Variants in VTI1A observed in about 807,000 individuals in gnomAD.
VTI1A encodes vesicle transport through interaction with t-SNAREs 1A.
A neutral mutation model predicts 34.9 loss-of-function variants in VTI1A; 22 were observed. The observed-to-expected ratio is 0.63, with a 90% confidence interval of 0.45 to 0.90. VTI1A has a LOEUF of 0.90. Among genes scored for constraint, VTI1A ranks in the 40% least tolerant of loss-of-function variants. VTI1A has a pLI of 0.00. For missense variants in VTI1A, 268 were observed against 275.6 expected (o/e 0.97, Z 0.20); for synonymous variants, 87 against 97.3 (o/e 0.89, Z 0.62).
intron 7 of VTI1A, among the ~76,000 whole-genome samples, chr10:112,694,539 G>T (rs1274950848): frequency 6.6e-6 from 1 of 152,050 alleles, no homozygotes; most frequent in Non-Finnish European, 1.5e-5. Flanking sequence ...TCTAATGTCT[G>T]GAAGCATGCC....
chr10:112,578,291 A>C (rs894520728), intron 5 of VTI1A, among the ~76,000 whole-genome samples: 4 of 152,314 alleles, frequency 2.6e-5, no homozygotes, highest in African/African-American at 9.6e-5. Flanking sequence ...CAACAGACGC[A>C]GCAATTTGGC....
chr10:112,783,045 CT>C (rs1457835222), intron 7 of VTI1A, among the ~76,000 whole-genome samples: 1 of 151,436 alleles, frequency 6.6e-6, no homozygotes, highest in Non-Finnish European at 1.5e-5. Context: ...CTGGATATCC[CT>C]GGGACCCAGA....
At chr10:112,754,922 T>C (rs150425088) in intron 7 of VTI1A, among the ~76,000 whole-genome samples, 192 of 152,270 alleles carry the variant, frequency 1.3e-3, no homozygotes, top group African/African-American at 4.5e-3. Context: ...ATAAGATGAT[T>C]TGGGGACTGG....
chr10:112,791,491 T>C (rs1226129181), intron 7 of VTI1A, among the ~76,000 whole-genome samples: 1 of 152,200 alleles, frequency 6.6e-6, no homozygotes, highest in East Asian at 1.9e-4. Flanking sequence ...GTTGTAAATA[T>C]GTGCTGCAGG....
the VTI1A span, among the ~76,000 whole-genome samples, chr10:112,830,821 TCA>T: frequency 3.3e-4 from 20 of 60,280 alleles, no homozygotes; most frequent in African/African-American, 1.3e-3. Flanking sequence ...CCTAAAACCC[TCA>T]TATATATATA....
the VTI1A span, among the ~76,000 whole-genome samples, chr10:112,845,125 T>C: frequency 2.0e-5 from 3 of 152,340 alleles, no homozygotes; most frequent in African/African-American, 7.2e-5. Flanking sequence ...GCAGAGTTGG[T>C]GTGAGGCCTG....
rs560747484 is a variant in VTI1A at position 112,540,316 on chromosome 10, C to T, written c.427+1986C>T. ...ATCAACATAACCAACATGGAAATGT[C>T]AACTTAAGAGTGTCCTGTCAGCCTA... On this transcript the variant is annotated intron_variant, in intron 5 of 7. Coordinates refer to ENST00000393077, the MANE Select transcript of VTI1A (RefSeq NM_145206.4). 2.0e-5 allele frequency among the ~76,000 whole-genome samples: 3 copies of T among 152,300 alleles called. No individual in the cohort carries two copies. The East Asian group carries it at 5.8e-4, about 29-fold the overall frequency.
At chr10:112,804,885 G>T (rs1853017209) in intron 7 of VTI1A, among the ~76,000 whole-genome samples, 2 of 121,264 alleles carry the variant, frequency 1.6e-5, no homozygotes, top group South Asian at 2.8e-4. Flanking sequence ...TTTTGAGACA[G>T]AGTCCTGCTC....
At chr10:112,809,584 G>C (rs932803353) in intron 7 of VTI1A, among the ~76,000 whole-genome samples, 20 of 152,172 alleles carry the variant, frequency 1.3e-4, no homozygotes, top group African/African-American at 4.8e-4. Context: ...AAAAAGTTGG[G>C]ACTCCGCTGG....
intron 5 of VTI1A, among the ~76,000 whole-genome samples, chr10:112,546,920 T>C (rs1295889108): frequency 2.0e-5 from 3 of 152,304 alleles, no homozygotes; most frequent in East Asian, 3.9e-4. Flanking sequence ...GCTATCTCTT[T>C]TTAAAAAATA....
intron 7 of VTI1A, among the ~76,000 whole-genome samples, chr10:112,734,417 A>G (rs543474515): frequency 1.3e-5 from 2 of 152,188 alleles, no homozygotes; most frequent in East Asian, 1.9e-4. Context: ...TTCCTCCTCT[A>G]TAATCCTGCG....
At position 112,500,338 on chromosome 10, in the gene VTI1A, G is replaced by A. The variant is rs368282054; in HGVS notation, c.265-26749G>A. On this transcript the variant is annotated intron_variant, in intron 3 of 7. Coordinates refer to ENST00000393077, the MANE Select transcript of VTI1A (RefSeq NM_145206.4). ...AAGTCACAGCAAGTCGGGAGGCTGA[G>A]GCAGGAGAATTGCTTGAACCCAGGA... is the stretch of plus-strand genomic sequence containing the variant. Among the ~76,000 whole-genome samples, 101 of 152,104 alleles carry A rather than the reference G, an allele frequency of 6.6e-4. 1 individual carries two copies. The South Asian group carries it at 0.017, about 25-fold the overall frequency.
At chr10:112,588,742 G>A (rs1403670743) in intron 5 of VTI1A, among the ~76,000 whole-genome samples, 1 of 152,174 alleles carries the variant, frequency 6.6e-6, no homozygotes. Context: ...GGCCATCATT[G>A]TGTGGGACTT....
chr10:112,536,271 T>C (rs1233438267), intron 4 of VTI1A, among the ~76,000 whole-genome samples: 1 of 152,218 alleles, frequency 6.6e-6, no homozygotes, highest in Non-Finnish European at 1.5e-5. Context: ...AGATTTACTT[T>C]TGATTTCACA....
chr10:112,642,135 A>G (rs759699050), intron 5 of VTI1A, among the ~76,000 whole-genome samples: 12 of 152,224 alleles, frequency 7.9e-5, no homozygotes, highest in Non-Finnish European at 1.5e-4. Flanking sequence ...AACTTCAAAT[A>G]TTCCAGAATG....
chr10:112,464,130 C>T (rs527852458), intron 2 of VTI1A, among the ~76,000 whole-genome samples: 3 of 152,172 alleles, frequency 2.0e-5, no homozygotes, highest in Non-Finnish European at 4.4e-5. Flanking sequence ...TTCTGAGTAG[C>T]TGGGATTACA....
chr10:112,507,169 C>T (rs926135617), intron 3 of VTI1A, among the ~76,000 whole-genome samples: 1 of 152,036 alleles, frequency 6.6e-6, no homozygotes, highest in Admixed American at 6.6e-5. Context: ...CAGTTTAATT[C>T]AGATGTCTTT....
intron 5 of VTI1A, among the ~76,000 whole-genome samples, chr10:112,626,686 G>A (rs919307146): frequency 2.0e-5 from 3 of 152,154 alleles, no homozygotes; most frequent in Non-Finnish European, 4.4e-5. Context: ...AGGACCATAT[G>A]TGTTGGTCAA....
chr10:112,531,063 T>G (rs75725194), intron 4 of VTI1A, among the ~76,000 whole-genome samples: 1 of 139,844 alleles, frequency 7.2e-6, no homozygotes, highest in African/African-American at 2.7e-5. Flanking sequence ...GTGACACACC[T>G]CACACACACA....
Sources: allele counts gnomAD v4.1 joint callset (sites outside exome capture counted in the v4.1 genomes callset), GRCh38; gene constraint gnomAD v4.1.1; transcripts MANE v1.5; gene names NCBI Gene and HGNC (gene_info 2026-07-23, HGNC 2026-07-21).